DCST2: variants seen among roughly 807,000 people sequenced by gnomAD.
The protein encoded by DCST2 is DC-STAMP domain-containing protein 2.
Under a neutral mutation model 81.8 loss-of-function variants are expected in DCST2, and 64 were observed. The observed-to-expected ratio is 0.78, with a 90% confidence interval of 0.64 to 0.96. The LOEUF (loss-of-function observed/expected upper bound fraction) is 0.96, where lower values mean the gene tolerates loss of function less well. Ranked by LOEUF, DCST2 falls within the 40% of genes least tolerant of loss-of-function variation. The probability of loss-of-function intolerance (pLI) is 0.00; values close to 1 mark genes in which losing one functional copy is unlikely to be tolerated. For synonymous variants in DCST2, 354 were observed against 402.6 expected, an observed-to-expected ratio of 0.88 and a Z score of 1.44; for missense variants, 945 against 1,001.4, an observed-to-expected ratio of 0.94 and a Z score of 0.76.
intron 8 of DCST2, among the ~76,000 whole-genome samples, chr1:155,027,775 C>G (rs1489898649): frequency 6.6e-6 from 1 of 150,696 alleles, no homozygotes; most frequent in Non-Finnish European, 1.5e-5. Context: ...GTTGGCCATG[C>G]TGGTCTTGAA....
intron 4 of DCST2, 61 bp from the exon 5 acceptor site, chr1:155,031,295 T>C (rs1301267345): frequency 6.7e-7 from 1 of 1,484,954 alleles, no homozygotes; most frequent in Non-Finnish European, 9.1e-7. Flanking sequence ...GCCCCCGACC[T>C]CTGGAGACCT....
rs1202900253 is a variant in DCST2, at chr1:155,033,280, T to C, written c.269-16A>G. The C allele has an allele frequency of 3.7e-6, 6 of 1,603,706 alleles. No individual in the cohort carries two copies. Among genetic ancestry groups the C allele is most frequent in the Non-Finnish European group, 5.1e-6 (6 of 1,175,858 alleles). On this transcript the variant is annotated splice_polypyrimidine_tract_variant and intron_variant, in intron 1 of 14. Transcript: ENST00000368424. Reference sequence around the variant, plus strand: ...CGGCCCTGCCCTGGGGGCGACAGCTTTGTTAGAACCAAGACCCCAGCCCCA... The same window carrying C: ...CGGCCCTGCCCTGGGGGCGACAGCTCTGTTAGAACCAAGACCCCAGCCCCA...
chr1:155,023,579 T>C (rs1399592073), intron 12 of DCST2, 122 bp from the exon 13 acceptor site: 1 of 1,546,820 alleles, frequency 6.5e-7, no homozygotes, highest in Non-Finnish European at 8.7e-7. Context: ...TGTCAAGGGG[T>C]GCACACTAGG....
At chr1:155,032,974 C>A (rs1204254512) in intron 2 of DCST2, 120 bp downstream of exon 2, 2 of 1,220,854 alleles carry the variant, frequency 1.6e-6, no homozygotes, top group Non-Finnish European at 2.3e-6. Context: ...GAGTCCCTTC[C>A]AGGCCCAGAT....
intron 14 of DCST2, among the ~76,000 whole-genome samples, chr1:155,020,404 C>T (rs1659717917): frequency 6.6e-6 from 1 of 152,172 alleles, no homozygotes; most frequent in Admixed American, 6.5e-5. Context: ...GAGTCTTGCT[C>T]TGTCGCCCAG....
rs1310720376 is a variant in DCST2, at chr1:155,031,593, C to T, written c.720G>A (p.Ala240=). 23 of 1,606,364 alleles carry T rather than the reference C, an allele frequency of 1.4e-5. No individual in the cohort carries two copies. The highest frequency in any genetic ancestry group is 6.8e-5 in the East Asian group (3 of 44,372). Reference sequence around the variant, plus strand: ...TCTCACGGCTGGCAAGTCCACAGAGCGCCAGTTTGAAGGGCATGAGCACGT... The same window carrying T: ...TCTCACGGCTGGCAAGTCCACAGAGTGCCAGTTTGAAGGGCATGAGCACGT... The part of the protein sequence containing the change: ...LCYVLMPFKL[A]LCGLASLVQV... Residue 240 remains alanine (A), a synonymous_variant, in exon 4 of 15, where the codon GCG becomes GCA. Coordinates refer to ENST00000368424, the MANE Select transcript of DCST2 (RefSeq NM_144622.3).
chr1:155,028,329 G>A (rs1659970326), intron 8 of DCST2, among the ~76,000 whole-genome samples: 1 of 152,048 alleles, frequency 6.6e-6, no homozygotes, highest in Admixed American at 6.6e-5. Context: ...AGTGGCTCAC[G>A]CCTGTAATAC....
chr1:155,030,273 C>T (rs925295597), intron 6 of DCST2, 32 bp from the exon 7 acceptor site: 3 of 1,613,130 alleles, frequency 1.9e-6, no homozygotes, highest in African/African-American at 2.7e-5. Context: ...CATGTGAGGC[C>T]CCTTAGGACC....
intron 4 of DCST2, 51 bp from the exon 5 acceptor site, chr1:155,031,285 GC>G: frequency 6.6e-7 from 1 of 1,519,142 alleles, no homozygotes; most frequent in Non-Finnish European, 8.8e-7. Context: ...AGCCAGGCCT[GC>G]CCCCGACCTC....
intron 14 of DCST2, among the ~76,000 whole-genome samples, chr1:155,019,564 C>T (rs1044389486): frequency 6.6e-6 from 1 of 152,234 alleles, no homozygotes; most frequent in Admixed American, 6.5e-5. Context: ...CCAGCTCTCC[C>T]TCCTGGCCAC....
rs1227510445 is a variant in DCST2 at position 155,027,215 on chromosome 1, T to G, written c.1343-500A>C. ...GACCGGCTATTTTTTTTTTTTTTTTTTTTTTGTAAAGAGATAGGGTTTCAC... is the reference window on the plus strand; with the variant it reads ...GACCGGCTATTTTTTTTTTTTTTTTGTTTTTGTAAAGAGATAGGGTTTCAC... On this transcript the variant is annotated intron_variant, in intron 8 of 14. Transcript: ENST00000368424. Among the ~76,000 whole-genome samples the G allele has an allele frequency of 4.1e-5, 6 of 147,574 alleles. No individual in the cohort carries two copies. The East Asian group carries it at 1.2e-3, about 30-fold the overall frequency.
chr1:155,030,565 T>C lies in DCST2; in HGVS notation c.886A>G (p.Asn296Asp), dbSNP rs1283504558. ...ACCTGGGACAGGCTCCGAGAGGCATTGAGATCCACAGAGAAGTGGTGGGTG... is the reference window on the plus strand; with the variant it reads ...ACCTGGGACAGGCTCCGAGAGGCATCGAGATCCACAGAGAAGTGGTGGGTG... ...TATHHFSVDLNASRSLSQVAM... is the reference protein window; with the variant it reads ...TATHHFSVDLDASRSLSQVAM... The change falls in exon 6 of 15, where the codon AAT becomes GAT. Residue 296 changes from asparagine to aspartate, a missense_variant. Transcript: ENST00000368424. The C allele has an allele frequency of 5.6e-6, 9 of 1,613,516 alleles. No homozygotes were observed. Among genetic ancestry groups the C allele is most frequent in the Non-Finnish European group, 6.8e-6 (8 of 1,179,540 alleles).
At chr1:155,018,805 C>T (rs774135734) in intron 14 of DCST2, 45 bp from the exon 15 acceptor site, 1 of 1,573,874 alleles carries the variant, frequency 6.4e-7, no homozygotes, top group East Asian at 2.3e-5. Flanking sequence ...CACCTTCTGT[C>T]TTCACAGGTG....
chr1:155,020,005 G>T (rs1003278663), intron 14 of DCST2, among the ~76,000 whole-genome samples: 1 of 152,130 alleles, frequency 6.6e-6, no homozygotes, highest in African/African-American at 2.4e-5. Flanking sequence ...AAAGAGAAGC[G>T]AGGCCACCAG....
intron 14 of DCST2, among the ~76,000 whole-genome samples, chr1:155,019,446 G>A (rs914581509): frequency 1.3e-4 from 20 of 152,184 alleles, no homozygotes; most frequent in African/African-American, 3.6e-4. Flanking sequence ...TCTATTGACC[G>A]TCATCTCTGT....
At position 155,031,245 on chromosome 1, in the gene DCST2, G is replaced by A; in HGVS notation, c.740-11C>T. 2 of 1,563,308 alleles carry A rather than the reference G, an allele frequency of 1.3e-6. No homozygotes were observed. Among genetic ancestry groups the A allele is most frequent in the African/African-American group, 1.4e-5 (1 of 73,018 alleles). On this transcript the variant is annotated splice_polypyrimidine_tract_variant and intron_variant, in intron 4 of 14. Transcript: ENST00000368424. ...AGAACACCTGGACCACTGAGGGGCG[G>A]AGTCGGCTGAGTGTCGGAAGGAGGG... is the stretch of plus-strand genomic sequence containing the variant.
rs1049421369 is a variant in DCST2, at chr1:155,019,111, C to T, written c.2106-351G>A. ...ACCTCTGAAAAGAAAGCTTTGCTTC[C>T]CCTTCAACCTCTTGACTCATCATGA... On this transcript the variant is annotated intron_variant, in intron 14 of 14. Coordinates refer to ENST00000368424, the MANE Select transcript of DCST2 (RefSeq NM_144622.3). 4.6e-5 allele frequency among the ~76,000 whole-genome samples: 7 copies of T among 152,172 alleles called. 1 individual carries two copies. Among genetic ancestry groups the T allele is most frequent in the Admixed American group, 3.9e-4 (6 of 15,280 alleles).
intron 3 of DCST2, among the ~76,000 whole-genome samples, chr1:155,032,296 C>G (rs933798775): frequency 1.3e-5 from 2 of 150,922 alleles, no homozygotes; most frequent in Admixed American, 1.3e-4. Context: ...CTGGCCCCCC[C>G]GCTTTTTTTT....
At chr1:155,026,130 C>G (rs1659902063) in intron 10 of DCST2, among the ~76,000 whole-genome samples, 172 bp downstream of exon 10, 1 of 152,048 alleles carries the variant, frequency 6.6e-6, no homozygotes, top group Non-Finnish European at 1.5e-5. Flanking sequence ...TTCTCCCAGC[C>G]CCATCTTGGG....
Sources: gnomAD v4.1 joint callset for allele counts (sites outside exome capture counted in the v4.1 genomes callset) on GRCh38, gnomAD v4.1.1 for gene constraint, MANE v1.5 for transcripts, NCBI Gene and HGNC (gene_info 2026-07-23, HGNC 2026-07-21) for gene names.